The following SCCPDH variants were observed in gnomAD, a reference collection of about 807,000 sequenced individuals.
The protein encoded by SCCPDH is saccharopine dehydrogenase (putative).
In SCCPDH, 34 loss-of-function variants were observed where a neutral mutation model predicts 51.5. The ratio of observed to expected loss-of-function variants is 0.66; its 90% CI spans 0.50 to 0.88. The LOEUF (loss-of-function observed/expected upper bound fraction) is 0.88, where lower values mean the gene tolerates loss of function less well. Ranked by LOEUF, SCCPDH falls within the 40% of genes least tolerant of loss-of-function variation. SCCPDH has a pLI of 0.00. For synonymous variants in SCCPDH, 187 were observed against 191.3 expected (o/e 0.98, Z 0.19); for missense variants, 464 against 527.1 (o/e 0.88, Z 1.17).
intron 6 of SCCPDH, 143 bp from the exon 7 acceptor site, chr1:246,758,891 T>G (rs780357626): frequency 2.9e-6 from 2 of 695,270 alleles, no homozygotes; most frequent in Non-Finnish European, 5.2e-6. Context: ...TGGCCTTAAG[T>G]GATCCTCCTG....
chr1:246,752,701 C>G (rs1171523191), intron 5 of SCCPDH, among the ~76,000 whole-genome samples: 4 of 151,876 alleles, frequency 2.6e-5, no homozygotes, highest in Admixed American at 1.3e-4. Flanking sequence ...TGAATGTGTT[C>G]TTTGTCTGCG....
chr1:246,727,109 C>T (rs1668411914), intron 2 of SCCPDH, 105 bp downstream of exon 2: 2 of 910,192 alleles, frequency 2.2e-6, no homozygotes, highest in African/African-American at 3.3e-5. Context: ...TGGTTGAAGG[C>T]CTTAACCCCA....
chr1:246,764,451 T>C (rs1360163337), intron 10 of SCCPDH, 94 bp downstream of exon 10: 1 of 602,788 alleles, frequency 1.7e-6, no homozygotes, highest in East Asian at 2.9e-5. Flanking sequence ...TAAAGCTTAA[T>C]TGTTTTAGAA....
In SCCPDH at chr1:246,754,312, G is replaced by A. The variant is rs568787225; in HGVS notation, c.565-3914G>A. On this transcript the variant is annotated intron_variant, in intron 5 of 11. Coordinates refer to ENST00000366510, the MANE Select transcript of SCCPDH (RefSeq NM_016002.3). ...GAGTCCGGGTTTATTTGTCACACCCGGTGGGTCTTGATTCCTTACCCCTGA... is the reference window on the plus strand; with the variant it reads ...GAGTCCGGGTTTATTTGTCACACCCAGTGGGTCTTGATTCCTTACCCCTGA... Among the ~76,000 whole-genome samples the A allele has an allele frequency of 3.2e-4, 48 of 152,210 alleles. 3 individuals are homozygous for A. In the South Asian group the frequency reaches 9.3e-3, roughly 30 times the overall value.
At chr1:246,729,923 G>A (rs888789292) in intron 2 of SCCPDH, among the ~76,000 whole-genome samples, 6 of 151,878 alleles carry the variant, frequency 4.0e-5, no homozygotes, top group Non-Finnish European at 8.8e-5. Context: ...CTCTGTTCGG[G>A]GTCCCTGACT....
chr1:246,767,349 C>G lies in SCCPDH; in HGVS notation c.*49C>G. 1 of 1,090,870 alleles carries G rather than the reference C, an allele frequency of 9.2e-7. No homozygotes were observed. Among genetic ancestry groups the G allele is most frequent in the East Asian group, 2.7e-5 (1 of 36,504 alleles). 67.6% of individuals were successfully genotyped at this position (1,090,870 alleles called of 1,614,324 possible). A position where few individuals can be genotyped will look rare whatever the true frequency, so the allele number is the denominator to read the frequency against. On this transcript the variant is annotated 3_prime_UTR_variant, in exon 12 of 12. Transcript: ENST00000366510. ...CATAACGTGCGTGAATTAACAGCTT[C>G]TCTATTTGATATTTGAAATTCTTCT...
At chr1:246,726,821 T>C in intron 1 of SCCPDH, 71 bp from the exon 2 acceptor site, 1 of 1,057,474 alleles carries the variant, frequency 9.5e-7, no homozygotes, top group Non-Finnish European at 1.4e-6. Flanking sequence ...CACTGATTAC[T>C]GTAAAAAGAA....
intron 2 of SCCPDH, among the ~76,000 whole-genome samples, chr1:246,733,491 TACACAC>T (rs57989437): frequency 1.2e-4 from 18 of 148,868 alleles, no homozygotes; most frequent in South Asian, 2.1e-4. Flanking sequence ...TCATATTTTA[TACACAC>T]ACACACACAC....
chr1:246,728,730 TTTC>T (rs1325012561), intron 2 of SCCPDH, among the ~76,000 whole-genome samples: 19 of 152,208 alleles, frequency 1.2e-4, no homozygotes, highest in Non-Finnish European at 1.6e-4. Flanking sequence ...ACAGAATTTC[TTTC>T]TTCATCTTCC....
At chr1:246,725,055 G>A (rs1558164848) in intron 1 of SCCPDH, among the ~76,000 whole-genome samples, 1 of 152,160 alleles carries the variant, frequency 6.6e-6, no homozygotes, top group Non-Finnish European at 1.5e-5. Context: ...TTTGCCTCGT[G>A]TTTTGAGGAC....
chr1:246,765,982 A>G, intron 10 of SCCPDH, 76 bp from the exon 11 acceptor site: 1 of 951,926 alleles, frequency 1.1e-6, no homozygotes, highest in Non-Finnish European at 1.6e-6. Flanking sequence ...TATAAAATCT[A>G]CCATTTGATT....
intron 5 of SCCPDH, among the ~76,000 whole-genome samples, chr1:246,752,904 G>T (rs1023358289): frequency 1.3e-5 from 2 of 152,006 alleles, no homozygotes; most frequent in African/African-American, 4.8e-5. Context: ...CTTTTGAAGT[G>T]ACCTATTTTT....
intron 5 of SCCPDH, among the ~76,000 whole-genome samples, chr1:246,747,728 G>T (rs1013632152): frequency 8.6e-5 from 13 of 151,924 alleles, no homozygotes; most frequent in South Asian, 2.1e-4. Flanking sequence ...AATTCCGATT[G>T]GCTATTTTAA....
At chr1:246,724,672 C>A in intron 1 of SCCPDH, 60 bp downstream of exon 1, 1 of 1,373,160 alleles carries the variant, frequency 7.3e-7, no homozygotes, top group South Asian at 1.5e-5. Flanking sequence ...CCCGCATCGC[C>A]CCAAACGAGC....
chr1:246,760,280 C>T (rs775942770), intron 9 of SCCPDH, 53 bp downstream of exon 9: 35 of 1,452,766 alleles, frequency 2.4e-5, no homozygotes, highest in Admixed American at 1.3e-4. Context: ...TGTGCAATGA[C>T]GGTATCATCT....
chr1:246,766,915 G>A (rs1213125326), intron 11 of SCCPDH, among the ~76,000 whole-genome samples: 1 of 152,064 alleles, frequency 6.6e-6, no homozygotes, highest in African/African-American at 2.4e-5. Context: ...CGGTTCTTCG[G>A]GGTGATGGCG....
intron 6 of SCCPDH, 132 bp downstream of exon 6, chr1:246,758,488 GATAA>G (rs1353340844): frequency 4.3e-5 from 24 of 560,730 alleles, no homozygotes; most frequent in Middle Eastern, 9.6e-4. Flanking sequence ...TGTTTTCACA[GATAA>G]ATAAGATATA....
At chr1:246,752,634 C>T (rs1256069530) in intron 5 of SCCPDH, among the ~76,000 whole-genome samples, 2 of 151,970 alleles carry the variant, frequency 1.3e-5, no homozygotes, top group Non-Finnish European at 2.9e-5. Flanking sequence ...TAATTTAACA[C>T]GAATCGGAGG....
At chr1:246,755,572 C>T (rs1369033615) in intron 5 of SCCPDH, 3 of 152,284 alleles carry the variant, frequency 2.0e-5, no homozygotes, top group African/African-American at 7.2e-5. Flanking sequence ...AGCAGGACGG[C>T]TGCTTTGGAA....
Sources: allele counts gnomAD v4.1 joint callset (sites outside exome capture counted in the v4.1 genomes callset), GRCh38; gene constraint gnomAD v4.1.1; transcripts MANE v1.5; gene names NCBI Gene and HGNC (gene_info 2026-07-23, HGNC 2026-07-21).